Variants in MACO1 observed in about 807,000 individuals in gnomAD.
MACO1 encodes the protein macoilin 1.
Under a neutral mutation model 78.7 loss-of-function variants are expected in MACO1, and 14 were observed. The observed-to-expected ratio is 0.18, with a 90% CI of 0.12 to 0.28. The LOEUF is 0.28. Ranked by LOEUF, MACO1 falls within the 10% of genes least tolerant of loss-of-function variation. The probability of loss-of-function intolerance (pLI) is 1.00; values close to 1 mark genes in which losing one functional copy is unlikely to be tolerated. For missense variants in MACO1, 501 were observed against 799.0 expected, an observed-to-expected ratio of 0.63 and a Z score of 4.50; for synonymous variants, 288 against 291.6, an observed-to-expected ratio of 0.99 and a Z score of 0.12.
At chr1:25,452,529 TCTTA>T (rs2124580954) in intron 3 of MACO1, among the ~76,000 whole-genome samples, 1 of 152,342 alleles carries the variant, frequency 6.6e-6, no homozygotes, top group African/African-American at 2.4e-5. Flanking sequence ...TACAACTTGT[TCTTA>T]CTTAAGGATT....
intron 10 of MACO1, among the ~76,000 whole-genome samples, chr1:25,497,235 C>T (rs2043545455): frequency 6.6e-6 from 1 of 152,040 alleles, no homozygotes; most frequent in Non-Finnish European, 1.5e-5. Flanking sequence ...ACAAAATTAG[C>T]CAGGCGTGGT....
intron 6 of MACO1, among the ~76,000 whole-genome samples, chr1:25,465,492 G>T (rs773599757): frequency 1.3e-5 from 2 of 152,182 alleles, no homozygotes; most frequent in Non-Finnish European, 2.9e-5. Context: ...ACCCTAATAG[G>T]TGGATAGTGG....
At chr1:25,447,495 AC>A (rs1172513153) in intron 2 of MACO1, among the ~76,000 whole-genome samples, 7 of 152,236 alleles carry the variant, frequency 4.6e-5, no homozygotes, top group African/African-American at 9.6e-5. Flanking sequence ...AATAGAAATT[AC>A]ATTTTTAAGT....
At chr1:25,446,952 T>TTA (rs1033910183) in intron 2 of MACO1, 49 bp downstream of exon 2, 9 of 1,576,062 alleles carry the variant, frequency 5.7e-6, no homozygotes, top group Non-Finnish European at 7.7e-6. Context: ...ATTCAGCTGT[T>TTA]TAGAGTAGAT....
At chr1:25,481,760 G>A (rs897989145) in intron 6 of MACO1, among the ~76,000 whole-genome samples, 19 of 152,320 alleles carry the variant, frequency 1.2e-4, no homozygotes, top group African/African-American at 4.3e-4. Context: ...AATAACTCTG[G>A]CAATAGGGAA....
rs1240205023 is a variant in MACO1, at chr1:25,491,679, A to G, written c.1792+95A>G. 4 of 1,043,548 alleles carry G rather than the reference A, an allele frequency of 3.8e-6. No homozygotes were observed. In the East Asian group the frequency reaches 1.0e-4, roughly 26 times the overall value. 64.6% of individuals were successfully genotyped at this position (1,043,548 alleles called of 1,614,324 possible). ...TCCTGAGAGCTCTCAACCAAGGGGC[A>G]TTTCAGTTTTCTCTTCAAGAGTCTT... On this transcript the variant is annotated intron_variant, in intron 10 of 10. Transcript: ENST00000374343.
chr1:25,444,922 A>T (rs570657577), intron 1 of MACO1, among the ~76,000 whole-genome samples: 13 of 152,066 alleles, frequency 8.5e-5, no homozygotes, highest in African/African-American at 3.1e-4. Flanking sequence ...TAGGTCAGTT[A>T]TGGATTTAAT....
At chr1:25,455,457 A>G (rs1015235036) in intron 4 of MACO1, among the ~76,000 whole-genome samples, 3 of 152,194 alleles carry the variant, frequency 2.0e-5, no homozygotes, top group African/African-American at 7.2e-5. Flanking sequence ...CTTTTTACAA[A>G]CAAGTAAATT....
At chr1:25,446,694 A>T (rs904277468) in intron 1 of MACO1, 68 bp from the exon 2 acceptor site, 3 of 1,446,974 alleles carry the variant, frequency 2.1e-6, no homozygotes, top group Non-Finnish European at 1.8e-6. Flanking sequence ...AAACAGAAAC[A>T]GTGAATTTTC....
At chr1:25,440,685 C>T (rs1420414540) in intron 1 of MACO1, among the ~76,000 whole-genome samples, 1 of 149,632 alleles carries the variant, frequency 6.7e-6, no homozygotes, top group Non-Finnish European at 1.5e-5. Flanking sequence ...GGGAGAATCA[C>T]TTGAACTGGG....
At position 25,484,278 on chromosome 1, in the gene MACO1, C is replaced by T. The variant is rs760632681; in HGVS notation, c.1313+4C>T. 15 of 1,601,750 alleles carry T rather than the reference C, an allele frequency of 9.4e-6. No individual in the cohort carries two copies. The highest frequency in any genetic ancestry group is 4.5e-5 in the East Asian group (2 of 44,614). On this transcript the variant is annotated splice_donor_region_variant and intron_variant, in intron 7 of 10. Transcript: ENST00000374343. Reference sequence around the variant, plus strand: ...AGAACGAGCTGCTGCAGAACAAGTACGTGCACCTTTCAGGCCTTTGGCCGT... The same window carrying T: ...AGAACGAGCTGCTGCAGAACAAGTATGTGCACCTTTCAGGCCTTTGGCCGT...
chr1:25,499,990 G>T lies in MACO1; in HGVS notation c.*1524G>T, dbSNP rs561866229. The T allele has an allele frequency of 2.6e-5, 4 of 152,202 alleles. No individual in the cohort carries two copies. Among genetic ancestry groups the T allele is most frequent in the Non-Finnish European group, 5.9e-5 (4 of 67,994 alleles). The allele number at this position is 152,202 out of a possible 1,614,324, so 9.4% of individuals were successfully genotyped here. A position where few individuals can be genotyped will look rare whatever the true frequency, so the allele number is the denominator to read the frequency against. On this transcript the variant is annotated 3_prime_UTR_variant, in exon 11 of 11. Coordinates refer to ENST00000374343, the MANE Select transcript of MACO1 (RefSeq NM_018202.6). ...CATGTTGCTGCCATTTTGCATTTTT[G>T]AATCATCTTGTGTAATTGTCACCAT...
intron 1 of MACO1, among the ~76,000 whole-genome samples, chr1:25,434,819 T>C (rs569478834): frequency 6.6e-6 from 1 of 152,254 alleles, no homozygotes; most frequent in Non-Finnish European, 1.5e-5. Flanking sequence ...CCTAGACACA[T>C]GTGCACCAGA....
At chr1:25,444,468 A>C (rs542516811) in intron 1 of MACO1, among the ~76,000 whole-genome samples, 1 of 152,216 alleles carries the variant, frequency 6.6e-6, no homozygotes, top group Non-Finnish European at 1.5e-5. Flanking sequence ...AAAACGTAGA[A>C]AGGGTTCTAG....
intron 6 of MACO1, among the ~76,000 whole-genome samples, chr1:25,464,931 C>G (rs2043205142): frequency 6.6e-6 from 1 of 152,010 alleles, no homozygotes; most frequent in Admixed American, 6.6e-5. Flanking sequence ...ACCTCGGCCT[C>G]CCAAAGTGCT....
In MACO1 at chr1:25,498,601, G is replaced by T; in HGVS notation, c.*135G>T. On this transcript the variant is annotated 3_prime_UTR_variant, in exon 11 of 11. Transcript: ENST00000374343. ...TATCTGTTGTCATTTTTAAAAAGGG[G>T]GGAAAAGATAACATCCAAGTCTGAT... 4 of 841,782 alleles carry T rather than the reference G, an allele frequency of 4.8e-6. No individual in the cohort carries two copies. Among genetic ancestry groups the T allele is most frequent in the Non-Finnish European group, 7.2e-6 (4 of 553,066 alleles). 52.1% of individuals were successfully genotyped at this position (841,782 alleles called of 1,614,324 possible).
chr1:25,454,673 G>C (rs962883709), intron 4 of MACO1, among the ~76,000 whole-genome samples: 1 of 150,838 alleles, frequency 6.6e-6, no homozygotes, highest in Non-Finnish European at 1.5e-5. Context: ...GTAGAGACAG[G>C]GTTTCATCAT....
chr1:25,491,371 A>AAT (rs2043484392), intron 9 of MACO1, 39 bp from the exon 10 acceptor site: 2 of 1,609,556 alleles, frequency 1.2e-6, no homozygotes, highest in East Asian at 4.5e-5. Flanking sequence ...TCGATGCCAA[A>AAT]ACTACCTTGT....
intron 5 of MACO1, among the ~76,000 whole-genome samples, chr1:25,457,612 G>A (rs905908727): frequency 6.6e-6 from 1 of 152,140 alleles, no homozygotes; most frequent in African/African-American, 2.4e-5. Flanking sequence ...ATAATGTAAT[G>A]CAGATTTTAA....
Sources: gnomAD v4.1 joint callset for allele counts (sites outside exome capture counted in the v4.1 genomes callset) on GRCh38, gnomAD v4.1.1 for gene constraint, MANE v1.5 for transcripts, NCBI Gene and HGNC (gene_info 2026-07-23, HGNC 2026-07-21) for gene names.